The following METTL16 variants were observed in gnomAD, a reference collection of about 807,000 sequenced individuals.
The protein encoded by METTL16 is methyltransferase 16, RNA N6-adenosine.
In METTL16, 19 loss-of-function variants were observed where a neutral mutation model predicts 57.9. The ratio of observed to expected loss-of-function variants is 0.33; its 90% confidence interval spans 0.23 to 0.48. The LOEUF (loss-of-function observed/expected upper bound fraction) is 0.48. Among genes scored for constraint, METTL16 ranks in the 20% least tolerant of loss-of-function variants. The pLI is 0.99. For missense variants in METTL16, 434 were observed against 691.5 expected, an observed-to-expected ratio of 0.63 and a Z score of 4.18; for synonymous variants, 246 against 255.6, an observed-to-expected ratio of 0.96 and a Z score of 0.36.
At chr17:2,432,662 A>C (rs2066882030) in intron 8 of METTL16, among the ~76,000 whole-genome samples, 1 of 152,180 alleles carries the variant, frequency 6.6e-6, no homozygotes, top group Non-Finnish European at 1.5e-5. Context: ...AAAACTTGCA[A>C]CTTCCGGCAT....
intron 6 of METTL16, among the ~76,000 whole-genome samples, chr17:2,457,719 A>G (rs545340969): frequency 5.3e-5 from 8 of 152,150 alleles, no homozygotes; most frequent in African/African-American, 1.9e-4. Context: ...TCAAAAAAAA[A>G]AAAAAGAGTT....
chr17:2,430,874 C>G (rs1364274382), intron 8 of METTL16, among the ~76,000 whole-genome samples: 1 of 152,078 alleles, frequency 6.6e-6, no homozygotes, highest in Non-Finnish European at 1.5e-5. Flanking sequence ...ATCCCAATTT[C>G]TATCACCATG....
At chr17:2,486,672 C>T (rs540897948) in intron 2 of METTL16, among the ~76,000 whole-genome samples, 1 of 151,836 alleles carries the variant, frequency 6.6e-6, no homozygotes, top group Non-Finnish European at 1.5e-5. Flanking sequence ...GCTATACCTG[C>T]GTTAAGAGGC....
At position 2,501,002 on chromosome 17, in the gene METTL16, A is replaced by C. The variant is rs965505972; in HGVS notation, c.128+1202T>G. 1.8e-4 allele frequency among the ~76,000 whole-genome samples: 28 copies of C among 152,134 alleles called. 2 individuals are homozygous for C. On this transcript the variant is annotated intron_variant, in intron 2 of 9. Transcript: ENST00000263092. ...CGTGGTGGTAGAGGCCTGTAGTCCC[A>C]GCTACTCAGGAGGCTGAGACAGGAG...
chr17:2,482,716 G>A (rs2067315728), intron 2 of METTL16, among the ~76,000 whole-genome samples: 1 of 152,172 alleles, frequency 6.6e-6, no homozygotes, highest in Non-Finnish European at 1.5e-5. Flanking sequence ...AGACCAGCCT[G>A]GGCAACATGG....
chr17:2,455,907 CAGA>C (rs1187871737), intron 6 of METTL16, among the ~76,000 whole-genome samples: 1 of 152,030 alleles, frequency 6.6e-6, no homozygotes, highest in African/African-American at 2.4e-5. Context: ...TGCTTGAGCT[CAGA>C]AGGTGAAGGC....
intron 2 of METTL16, among the ~76,000 whole-genome samples, chr17:2,496,281 A>T (rs1011004134): frequency 8.6e-5 from 13 of 151,784 alleles, no homozygotes; most frequent in African/African-American, 2.9e-4. Flanking sequence ...AAATATTTAA[A>T]AAAAAGTTCC....
intron 2 of METTL16, among the ~76,000 whole-genome samples, chr17:2,497,293 A>G: frequency 7.3e-6 from 1 of 136,318 alleles, no homozygotes; most frequent in Admixed American, 7.7e-5. Context: ...GGCGTGCGCC[A>G]CTGCACCCGG....
rs1349465959 is a variant in METTL16, at chr17:2,495,678, G to A, written c.128+6526C>T. Among the ~76,000 whole-genome samples the A allele has an allele frequency of 5.2e-5, 7 of 133,634 alleles. 1 individual carries two copies. The highest frequency in any genetic ancestry group is 2.0e-4 in the African/African-American group (7 of 34,266). 87.7% of individuals were successfully genotyped at this position (133,634 alleles called of 152,430 possible). On this transcript the variant is annotated intron_variant, in intron 2 of 9. Transcript: ENST00000263092. Reference sequence around the variant, plus strand: ...CCACTGCACCCCAGCCTGGGTGACAGAGAAAGACTCTGTCTCAAAAAAAAA... The same window carrying A: ...CCACTGCACCCCAGCCTGGGTGACAAAGAAAGACTCTGTCTCAAAAAAAAA...
intron 6 of METTL16, among the ~76,000 whole-genome samples, chr17:2,452,047 G>A (rs547782233): frequency 6.6e-6 from 1 of 151,552 alleles, no homozygotes; most frequent in South Asian, 2.1e-4. Flanking sequence ...TGAGGTGATA[G>A]GATCGCTTGA....
At chr17:2,435,782 A>G (rs894294518) in intron 8 of METTL16, among the ~76,000 whole-genome samples, 3 of 74,122 alleles carry the variant, frequency 4.0e-5, no homozygotes, top group African/African-American at 5.6e-5. Flanking sequence ...AGTGGTGGGG[A>G]GGGAGGAAGA....
chr17:2,430,664 G>A (rs551518267), intron 8 of METTL16, among the ~76,000 whole-genome samples: 14 of 151,810 alleles, frequency 9.2e-5, no homozygotes, highest in South Asian at 2.1e-4. Flanking sequence ...GCGATCCGCC[G>A]GCCTTGGCCT....
At chr17:2,423,155 GTCT>G (rs1567879438) in intron 8 of METTL16, among the ~76,000 whole-genome samples, 1 of 152,034 alleles carries the variant, frequency 6.6e-6, no homozygotes, top group African/African-American at 2.4e-5. Context: ...ACTGGGGGAC[GTCT>G]TCTAATAAGA....
intron 6 of METTL16, among the ~76,000 whole-genome samples, chr17:2,452,364 T>C (rs997277084): frequency 6.6e-5 from 10 of 152,138 alleles, no homozygotes; most frequent in Admixed American, 5.2e-4. Flanking sequence ...ACAGTTGTAT[T>C]TGTTATGGAA....
At chr17:2,469,221 C>A (rs2067221380) in intron 4 of METTL16, among the ~76,000 whole-genome samples, 1 of 151,744 alleles carries the variant, frequency 6.6e-6, no homozygotes, top group South Asian at 2.1e-4. Context: ...CTGGGCGACA[C>A]AGCAAGACTC....
intron 6 of METTL16, among the ~76,000 whole-genome samples, chr17:2,459,668 A>T (rs2067135299): frequency 6.6e-6 from 1 of 152,184 alleles, no homozygotes; most frequent in Non-Finnish European, 1.5e-5. Context: ...CTGAAATGTG[A>T]GTCACACGGT....
At chr17:2,498,111 G>A (rs554359146) in intron 2 of METTL16, among the ~76,000 whole-genome samples, 3 of 147,318 alleles carry the variant, frequency 2.0e-5, no homozygotes, top group African/African-American at 5.1e-5. Flanking sequence ...GGAGAATGGC[G>A]TGAACCCGGG....
At chr17:2,497,305 C>CTTTTTTTT (rs781130501) in intron 2 of METTL16, among the ~76,000 whole-genome samples, 49 of 63,768 alleles carry the variant, frequency 7.7e-4, no homozygotes, top group South Asian at 1.3e-3. Context: ...TGCACCCGGC[C>CTTTTTTTT]TTTTTTTTTT....
At chr17:2,435,860 A>G (rs951145193) in intron 8 of METTL16, among the ~76,000 whole-genome samples, 2 of 152,006 alleles carry the variant, frequency 1.3e-5, no homozygotes, top group African/African-American at 4.8e-5. Flanking sequence ...ACGGGGCTGA[A>G]GGATGCCCCA....
Sources: allele counts gnomAD v4.1 joint callset (sites outside exome capture counted in the v4.1 genomes callset), GRCh38; gene constraint gnomAD v4.1.1; transcripts MANE v1.5; gene names NCBI Gene and HGNC (gene_info 2026-07-23, HGNC 2026-07-21).